FBXO34: variants seen among roughly 807,000 people sequenced by gnomAD.
FBXO34 encodes F-box only protein 34.
A neutral mutation model predicts 24.5 loss-of-function variants in FBXO34; 12 were observed. The ratio of observed to expected loss-of-function variants is 0.49; its 90% CI spans 0.31 to 0.79. The LOEUF is 0.79. Among genes scored for constraint, FBXO34 ranks in the 30% least tolerant of loss-of-function variants. The pLI, the probability that FBXO34 is intolerant of heterozygous loss-of-function variation, is 0.04. For missense variants in FBXO34, 823 were observed against 857.7 expected (o/e 0.96, Z 0.51); for synonymous variants, 320 against 311.9 (o/e 1.03, Z -0.27).
chr14:55,342,901 C>A (rs1163970858), intron 1 of FBXO34, among the ~76,000 whole-genome samples: 1 of 152,190 alleles, frequency 6.6e-6, no homozygotes, highest in Non-Finnish European at 1.5e-5. Context: ...TATCATCCTT[C>A]ATAGTGGGGA....
chr14:55,283,508 A>T (rs1881633117), intron 1 of FBXO34, among the ~76,000 whole-genome samples: 2 of 145,212 alleles, frequency 1.4e-5, no homozygotes, highest in Non-Finnish European at 3.0e-5. Flanking sequence ...TCTGTTGCCC[A>T]GGCTGGAGTG....
chr14:55,435,922 G>A, the FBXO34 span: 8 of 1,573,446 alleles, frequency 5.1e-6, no homozygotes, highest in Admixed American at 8.2e-5. Context: ...GGTTTACAGT[G>A]GAAACTATAT....
the FBXO34 span, chr14:55,414,469 C>G: frequency 6.4e-7 from 1 of 1,572,630 alleles, no homozygotes; most frequent in Admixed American, 1.8e-5. Context: ...TAAAGAAATC[C>G]AGGTTTATAT....
intron 1 of FBXO34, among the ~76,000 whole-genome samples, chr14:55,293,956 G>A (rs1882034043): frequency 6.6e-6 from 1 of 151,992 alleles, no homozygotes; most frequent in African/African-American, 2.4e-5. Context: ...GTGTTAATCG[G>A]GTACGCATAT....
chr14:55,337,817 C>G (rs12431605), intron 1 of FBXO34, among the ~76,000 whole-genome samples: 1 of 152,162 alleles, frequency 6.6e-6, no homozygotes, highest in African/African-American at 2.4e-5. Context: ...AGTCACACAT[C>G]TTATACTCCA....
At chr14:55,422,843 ACT>A in the FBXO34 span, among the ~76,000 whole-genome samples, 3 of 152,130 alleles carry the variant, frequency 2.0e-5, no homozygotes, top group East Asian at 1.9e-4. Context: ...ACAGAGTGAG[ACT>A]CTGTCTCAAA....
chr14:55,377,112 C>T, the FBXO34 span, among the ~76,000 whole-genome samples: 3 of 152,232 alleles, frequency 2.0e-5, no homozygotes, highest in South Asian at 6.2e-4. Flanking sequence ...TTTGGGAAGC[C>T]GAAGCGGGTG....
chr14:55,288,833 T>C (rs185616987), intron 1 of FBXO34, among the ~76,000 whole-genome samples: 1,839 of 152,226 alleles, frequency 0.012, 49 homozygotes, highest in African/African-American at 0.042. Context: ...GGCGGATCAC[T>C]TGAGGTCAGG....
At chr14:55,311,199 AG>A (rs1388640945) in intron 1 of FBXO34, among the ~76,000 whole-genome samples, 1 of 152,218 alleles carries the variant, frequency 6.6e-6, no homozygotes, top group African/African-American at 2.4e-5. Flanking sequence ...ATGTGGCAGG[AG>A]GGAGAAGGAA....
the FBXO34 span, among the ~76,000 whole-genome samples, chr14:55,375,923 T>G: frequency 1.3e-5 from 2 of 152,230 alleles, no homozygotes; most frequent in Non-Finnish European, 2.9e-5. Flanking sequence ...TTATGATAGA[T>G]ATCCACTAGT....
At chr14:55,298,572 C>T (rs948515021) in intron 1 of FBXO34, 1 of 722,192 alleles carries the variant, frequency 1.4e-6, no homozygotes, top group Non-Finnish European at 2.3e-6. Flanking sequence ...GCAAATTTGG[C>T]AGGGTGGAGG....
the FBXO34 span, among the ~76,000 whole-genome samples, chr14:55,396,378 A>G: frequency 1.3e-5 from 2 of 152,346 alleles, no homozygotes; most frequent in African/African-American, 2.4e-5. Context: ...AAAATGTTCT[A>G]TGGGAAAAAT....
At chr14:55,316,863 ACTTGTTTTT>A (rs1206374336) in intron 1 of FBXO34, among the ~76,000 whole-genome samples, 1 of 152,088 alleles carries the variant, frequency 6.6e-6, no homozygotes, top group Non-Finnish European at 1.5e-5. Flanking sequence ...CTTTTTTCCA[ACTTGTTTTT>A]CTTGTTTTTA....
intron 1 of FBXO34, among the ~76,000 whole-genome samples, chr14:55,320,896 A>C (rs1883110874): frequency 6.6e-6 from 1 of 152,250 alleles, no homozygotes; most frequent in African/African-American, 2.4e-5. Context: ...TGTCAGCTGT[A>C]AAAAGAAACC....
In FBXO34 at chr14:55,298,738, A is replaced by G. The variant is rs773504734; in HGVS notation, c.-11+27201A>G. The G allele has an allele frequency of 7.1e-5, 111 of 1,571,530 alleles. 1 individual carries two copies. The highest frequency in any genetic ancestry group is 9.2e-5 in the Non-Finnish European group (105 of 1,144,456). On this transcript the variant is annotated intron_variant, in intron 1 of 1. Transcript: ENST00000313833. ...CGGGACACGGAGGAGATGTTAAGCA[A>G]GAAACAGGAGTTCCTGGAGAAGAAA...
chr14:55,323,023 A>AAAAAAC (rs1883195243), intron 1 of FBXO34, among the ~76,000 whole-genome samples: 1 of 127,894 alleles, frequency 7.8e-6, no homozygotes. Flanking sequence ...AATACAAAAA[A>AAAAAAC]AAAAAAAAAA....
At chr14:55,432,608 T>C in the FBXO34 span, among the ~76,000 whole-genome samples, 1 of 152,190 alleles carries the variant, frequency 6.6e-6, no homozygotes, top group Non-Finnish European at 1.5e-5. Flanking sequence ...TTATTTAATC[T>C]CACTAGTAAA....
At chr14:55,422,621 G>A in the FBXO34 span, among the ~76,000 whole-genome samples, 4 of 152,182 alleles carry the variant, frequency 2.6e-5, no homozygotes, top group African/African-American at 9.6e-5. Context: ...AGAGGCCAAG[G>A]CAGGTAGATC....
chr14:55,421,904 G>C, the FBXO34 span, among the ~76,000 whole-genome samples: 15 of 152,078 alleles, frequency 9.9e-5, no homozygotes, highest in Admixed American at 4.6e-4. Context: ...TCTGAATTCA[G>C]GTAATATAAA....
Sources: gnomAD v4.1 joint callset for allele counts (sites outside exome capture counted in the v4.1 genomes callset) on GRCh38, gnomAD v4.1.1 for gene constraint, MANE v1.5 for transcripts, NCBI Gene and HGNC (gene_info 2026-07-23, HGNC 2026-07-21) for gene names.